Variants in LARP4 observed in about 807,000 individuals in gnomAD.
LARP4 encodes the protein La ribonucleoprotein 4.
Under a neutral mutation model 92.9 loss-of-function variants are expected in LARP4, and 29 were observed. That is an observed-to-expected ratio of 0.31 (90% CI 0.23 to 0.43). The LOEUF (loss-of-function observed/expected upper bound fraction) is 0.43. Among genes scored for constraint, LARP4 ranks in the 20% least tolerant of loss-of-function variants. LARP4 has a pLI of 1.00. For synonymous variants in LARP4, 279 were observed against 284.1 expected (o/e 0.98, Z 0.18); for missense variants, 732 against 860.0 (o/e 0.85, Z 1.86).
chr12:50,412,125 G>T (rs1424119728), intron 1 of LARP4, among the ~76,000 whole-genome samples: 1 of 152,154 alleles, frequency 6.6e-6, no homozygotes, highest in Non-Finnish European at 1.5e-5. Flanking sequence ...TTGTTATGAA[G>T]ATTAATTAGA....
At chr12:50,428,452 A>G (rs551745042) in intron 2 of LARP4, among the ~76,000 whole-genome samples, 1 of 152,342 alleles carries the variant, frequency 6.6e-6, no homozygotes, top group South Asian at 2.1e-4. Context: ...TATATCTAAC[A>G]TGAATAGATT....
intron 10 of LARP4, 36 bp downstream of exon 10, chr12:50,454,453 C>G (rs759664455): frequency 1.4e-6 from 2 of 1,459,342 alleles, no homozygotes; most frequent in Admixed American, 3.5e-5. Flanking sequence ...GTATTTTAAA[C>G]AATTCCTAAT....
chr12:50,466,913 G>A (rs1426060010), intron 12 of LARP4, 46 bp from the exon 13 acceptor site: 1 of 1,559,426 alleles, frequency 6.4e-7, no homozygotes, highest in African/African-American at 1.4e-5. Flanking sequence ...ACAGGATTAG[G>A]GAATGAGATA....
chr12:50,466,758 G>A (rs567630839), intron 12 of LARP4, among the ~76,000 whole-genome samples: 3 of 152,310 alleles, frequency 2.0e-5, no homozygotes, highest in Non-Finnish European at 4.4e-5. Flanking sequence ...TGAGAGAAGT[G>A]ACTAAAGAAA....
At chr12:50,441,767 G>T in intron 8 of LARP4, 124 bp downstream of exon 8, 1 of 781,626 alleles carries the variant, frequency 1.3e-6, no homozygotes. Flanking sequence ...TTCTGGCTTG[G>T]TCCAGGCGTG....
chr12:50,448,685 T>G (rs376077424), intron 8 of LARP4, among the ~76,000 whole-genome samples: 4 of 151,786 alleles, frequency 2.6e-5, no homozygotes, highest in Non-Finnish European at 4.4e-5. Flanking sequence ...CCACCACGCC[T>G]GGCTAATTTT....
In LARP4 at chr12:50,430,525, A is replaced by G; in HGVS notation, c.353A>G (p.Asp118Gly). The G allele has an allele frequency of 6.2e-7, 1 of 1,607,768 alleles. No individual in the cohort carries two copies. The highest frequency in any genetic ancestry group is 8.5e-7 in the Non-Finnish European group (1 of 1,175,826). The part of the protein sequence containing the change: ...GESNSAVSTE[D>G]LKECLKKQLE... ...AGCAATTCAGCAGTTTCTACAGAAG[A>G]CCTAAAAGAATGTCTGAAGAAACAA... is the stretch of plus-strand genomic sequence containing the variant. The change falls in exon 4 of 16, where the codon GAC becomes GGC. Residue 118 changes from aspartate (D) to glycine (G), a missense_variant. Physicochemically the swap from Asp to Gly is moderately conservative, Grantham distance 94 (BLOSUM62 -1). Around this residue, in one of 7 missense-constraint regions of LARP4, gnomAD observed 236 missense variants for 307.6 expected, o/e 0.77. Coordinates refer to ENST00000398473, the MANE Select transcript of LARP4 (RefSeq NM_052879.5).
At chr12:50,402,443 C>G (rs943702730) in intron 1 of LARP4, among the ~76,000 whole-genome samples, 1 of 152,024 alleles carries the variant, frequency 6.6e-6, no homozygotes, top group African/African-American at 2.4e-5. Context: ...CAGTGCCAGC[C>G]AGTTTTTTTA....
chr12:50,441,100 G>T (rs759905993), intron 7 of LARP4, among the ~76,000 whole-genome samples: 31 of 151,950 alleles, frequency 2.0e-4, no homozygotes, highest in Admixed American at 8.5e-4. Context: ...GGTCAGGCCG[G>T]TCTCAAACTC....
intron 1 of LARP4, chr12:50,416,384 G>A (rs1369127369): frequency 6.6e-6 from 1 of 152,168 alleles, no homozygotes; most frequent in Non-Finnish European, 1.5e-5. Context: ...CAGATGACCG[G>A]GTGCCGTGGC....
intron 13 of LARP4, among the ~76,000 whole-genome samples, chr12:50,468,729 T>C (rs1956510754): frequency 6.6e-6 from 1 of 152,220 alleles, no homozygotes; most frequent in Admixed American, 6.5e-5. Context: ...TCCTGATATA[T>C]TGTACTTCAT....
intron 10 of LARP4, among the ~76,000 whole-genome samples, chr12:50,458,722 G>GT (rs1954795914): frequency 6.6e-6 from 1 of 152,146 alleles, no homozygotes; most frequent in Non-Finnish European, 1.5e-5. Context: ...GATTTTAGGT[G>GT]TTTTTGCTAC....
intron 4 of LARP4, among the ~76,000 whole-genome samples, chr12:50,430,925 G>C (rs1177322829): frequency 1.3e-5 from 2 of 152,154 alleles, no homozygotes; most frequent in African/African-American, 4.8e-5. Context: ...GCCTTGCAAA[G>C]TGTCGGGATT....
intron 1 of LARP4, chr12:50,415,878 T>G (rs903905670): frequency 2.0e-5 from 3 of 151,882 alleles, no homozygotes; most frequent in Admixed American, 6.6e-5. Context: ...TGTTGTTGTT[T>G]TTTTTTTTGG....
chr12:50,408,446 C>T (rs897784586), intron 1 of LARP4, among the ~76,000 whole-genome samples: 1 of 152,052 alleles, frequency 6.6e-6, no homozygotes, highest in Non-Finnish European at 1.5e-5. Flanking sequence ...ATCCGCCCTC[C>T]TCGGCCTCCC....
At position 50,476,944 on chromosome 12, in the gene LARP4, T is replaced by G. The variant is rs1957576806; in HGVS notation, c.*1080T>G. ...ATGGTAGGGCAGACTGACCGTACAG[T>G]AATTTATTTGTCGTTAGTGTTAAAG... On this transcript the variant is annotated 3_prime_UTR_variant, in exon 16 of 16. Transcript: ENST00000398473. 1 of 152,292 alleles carries G rather than the reference T, an allele frequency of 6.6e-6. No individual in the cohort carries two copies. Among genetic ancestry groups the G allele is most frequent in the Non-Finnish European group, 1.5e-5 (1 of 68,028 alleles). The allele number at this position is 152,292 out of a possible 1,614,324, so 9.4% of individuals were successfully genotyped here. A position where few individuals can be genotyped will look rare whatever the true frequency, so the allele number is the denominator to read the frequency against.
rs1292744864 is a variant in LARP4, at chr12:50,435,387, T to C, written c.399-101T>C. On this transcript the variant is annotated intron_variant, in intron 4 of 15. Coordinates refer to ENST00000398473, the MANE Select transcript of LARP4 (RefSeq NM_052879.5). ...TAATGTTATTTCTGATAGAATAATC[T>C]TATTTCCATGCATTTAAAAAGTAGG... 3 of 721,286 alleles carry C rather than the reference T, an allele frequency of 4.2e-6. No individual in the cohort carries two copies. The African/African-American group carries it at 5.3e-5, about 13-fold the overall frequency. 44.7% of individuals were successfully genotyped at this position (721,286 alleles called of 1,614,324 possible). A position where few individuals can be genotyped will look rare whatever the true frequency, so the allele number is the denominator to read the frequency against.
At chr12:50,444,791 T>C (rs1351914024) in intron 8 of LARP4, among the ~76,000 whole-genome samples, 2 of 152,230 alleles carry the variant, frequency 1.3e-5, no homozygotes, top group African/African-American at 4.8e-5. Flanking sequence ...AATTGTGATT[T>C]CTATGCCTGA....
chr12:50,443,753 A>G (rs1951600651), intron 8 of LARP4, among the ~76,000 whole-genome samples: 2 of 152,138 alleles, frequency 1.3e-5, no homozygotes, highest in Admixed American at 6.5e-5. Flanking sequence ...CTGGGGTTAC[A>G]GGTGCCTAAC....
Sources: gnomAD v4.1 joint callset for allele counts (sites outside exome capture counted in the v4.1 genomes callset) on GRCh38, gnomAD v4.1.1 for gene constraint, gnomAD v4.1.1 regional missense constraint, MANE v1.5 for transcripts, NCBI Gene and HGNC (gene_info 2026-07-23, HGNC 2026-07-21) for gene names.